Variants in CADM1 observed in about 807,000 individuals in gnomAD.
CADM1 encodes the protein cell adhesion molecule 1, also known as TSLC-1.
CADM1 carries 15 observed loss-of-function variants against 53.1 expected under a neutral mutation model. That is an observed-to-expected ratio of 0.28 (90% CI 0.19 to 0.44). The LOEUF (loss-of-function observed/expected upper bound fraction) is 0.44, where lower values mean the gene tolerates loss of function less well. Among genes scored for constraint, CADM1 ranks in the 20% least tolerant of loss-of-function variants. The probability of loss-of-function intolerance (pLI) is 1.00; values close to 1 mark genes in which losing one functional copy is unlikely to be tolerated. For missense variants in CADM1, 434 were observed against 611.3 expected, an observed-to-expected ratio of 0.71 and a Z score of 3.06; for synonymous variants, 281 against 243.0, an observed-to-expected ratio of 1.16 and a Z score of -1.45.
intron 1 of CADM1, among the ~76,000 whole-genome samples, chr11:115,368,231 T>C (rs1374185460): frequency 6.6e-6 from 1 of 151,148 alleles, no homozygotes; most frequent in African/African-American, 2.4e-5. Context: ...CAAGTACCAA[T>C]TTGCTAAATA....
In CADM1 at chr11:115,492,404, G is replaced by A. The variant is rs753677151; in HGVS notation, c.124+11867C>T. 2.2e-4 allele frequency among the ~76,000 whole-genome samples: 34 copies of A among 152,294 alleles called. 1 individual carries two copies. The highest frequency in any genetic ancestry group is 1.2e-3 in the Admixed American group (18 of 15,300). On this transcript the variant is annotated intron_variant, in intron 1 of 11. Transcript: ENST00000331581. ...ATGGACAGTTTTGATTTTGAGCCACGTTAATGAGTTATATGTTCAAATTAT... is the reference window on the plus strand; with the variant it reads ...ATGGACAGTTTTGATTTTGAGCCACATTAATGAGTTATATGTTCAAATTAT...
chr11:115,413,644 C>CTTTTTTTTTTTTTTTTT (rs71066424), intron 1 of CADM1, among the ~76,000 whole-genome samples: 1,418 of 120,724 alleles, frequency 0.012, 165 homozygotes, highest in Non-Finnish European at 0.018. Flanking sequence ...CAGCTCAGTT[C>CTTTTTTTTTTTTTTTTT]TTTTTTTTTT....
chr11:115,256,992 G>A lies in CADM1; in HGVS notation c.125-16572C>T, dbSNP rs73574156. 1,189 of 423,150 alleles carry A rather than the reference G, an allele frequency of 2.8e-3. 8 individuals are homozygous for A. Among genetic ancestry groups the A allele is most frequent in the African/African-American group, 0.018 (910 of 49,484 alleles). The allele number at this position is 423,150 out of a possible 1,614,324, so 26.2% of individuals were successfully genotyped here. On this transcript the variant is annotated intron_variant, in intron 1 of 11. Transcript: ENST00000331581. ...CAGTCATGCTTGTCACATTTAGAGT[G>A]TGAATTACGTACTTCCTGGAAACCC...
intron 1 of CADM1, among the ~76,000 whole-genome samples, chr11:115,502,968 G>A (rs912151596): frequency 2.6e-5 from 4 of 152,156 alleles, no homozygotes; most frequent in Admixed American, 6.5e-5. Flanking sequence ...TGTTGCTCCC[G>A]GGTCCTGCAG....
At chr11:115,195,235 G>T (rs1410982028) in intron 9 of CADM1, among the ~76,000 whole-genome samples, 1 of 152,122 alleles carries the variant, frequency 6.6e-6, no homozygotes. Flanking sequence ...ACTTGATTTT[G>T]AATCATGCCC....
At chr11:115,381,692 C>A (rs745308655) in intron 1 of CADM1, among the ~76,000 whole-genome samples, 5 of 152,120 alleles carry the variant, frequency 3.3e-5, no homozygotes, top group Non-Finnish European at 5.9e-5. Context: ...ACCTGACACA[C>A]GAAGTACATT....
chr11:115,261,010 AC>A (rs1470661224), intron 1 of CADM1, among the ~76,000 whole-genome samples: 3 of 151,930 alleles, frequency 2.0e-5, no homozygotes, highest in South Asian at 4.2e-4. Context: ...TTTGGTAGGT[AC>A]CTTTTTGGGA....
chr11:115,386,949 C>G (rs1174838450), intron 1 of CADM1, among the ~76,000 whole-genome samples: 1 of 152,122 alleles, frequency 6.6e-6, no homozygotes, highest in Non-Finnish European at 1.5e-5. Flanking sequence ...AAGCTAGCAT[C>G]AAGAAGTAAA....
At chr11:115,211,080 T>TA (rs1414029712) in intron 7 of CADM1, among the ~76,000 whole-genome samples, 1 of 152,222 alleles carries the variant, frequency 6.6e-6, no homozygotes, top group Non-Finnish European at 1.5e-5. Flanking sequence ...TAAAAATGGT[T>TA]AAGTTAGTGA....
chr11:115,373,674 G>A (rs1946369806), intron 1 of CADM1, among the ~76,000 whole-genome samples: 1 of 151,378 alleles, frequency 6.6e-6, no homozygotes, highest in African/African-American at 2.4e-5. Flanking sequence ...AGAAGAAAAT[G>A]GGAGGTTCCA....
At chr11:115,299,597 A>G (rs1944166965) in intron 1 of CADM1, among the ~76,000 whole-genome samples, 1 of 152,174 alleles carries the variant, frequency 6.6e-6, no homozygotes, top group South Asian at 2.1e-4. Context: ...AGTATATAGA[A>G]TCTCAAAGTT....
chr11:115,234,835 G>A (rs528789827), intron 3 of CADM1, among the ~76,000 whole-genome samples: 134 of 131,730 alleles, frequency 1.0e-3, no homozygotes, highest in Admixed American at 2.6e-3. Flanking sequence ...GGAGGTTGAA[G>A]TGAGTCAAGA....
At chr11:115,495,790 A>G (rs942250531) in intron 1 of CADM1, among the ~76,000 whole-genome samples, 2 of 151,886 alleles carry the variant, frequency 1.3e-5, no homozygotes, top group African/African-American at 4.8e-5. Flanking sequence ...ATTTTTTAGG[A>G]TTTATTTTAT....
At chr11:115,462,941 G>C (rs2135376878) in intron 1 of CADM1, among the ~76,000 whole-genome samples, 1 of 152,310 alleles carries the variant, frequency 6.6e-6, no homozygotes, top group African/African-American at 2.4e-5. Flanking sequence ...GGATGAAGTA[G>C]TAGGTGCCCA....
intron 1 of CADM1, among the ~76,000 whole-genome samples, chr11:115,358,809 T>C (rs558086260): frequency 1.6e-4 from 24 of 152,338 alleles, no homozygotes; most frequent in African/African-American, 5.8e-4. Flanking sequence ...CTGTGAACTC[T>C]AAGGAGTATA....
At chr11:115,349,893 CAA>C (rs1219811218) in intron 1 of CADM1, among the ~76,000 whole-genome samples, 3 of 152,084 alleles carry the variant, frequency 2.0e-5, no homozygotes, top group African/African-American at 7.2e-5. Flanking sequence ...ATAAAAAGGC[CAA>C]AGTCATGGCT....
chr11:115,246,633 T>A (rs551492080), intron 1 of CADM1, among the ~76,000 whole-genome samples: 1 of 152,336 alleles, frequency 6.6e-6, no homozygotes, highest in South Asian at 2.1e-4. Flanking sequence ...CCTGACCAAG[T>A]CATCAAGATA....
Position 115,229,218 on chromosome 11 carries a change from T to G in CADM1, c.616A>C (p.Met206Leu). 3 of 1,614,080 alleles carry G rather than the reference T, an allele frequency of 1.9e-6. No homozygotes were observed. The highest frequency in any genetic ancestry group is 2.5e-6 in the Non-Finnish European group (3 of 1,179,944). The stretch of plus-strand genomic sequence containing the variant: ...TCGTCCTCCTTGTGCACCTTCAGCA[T>G]CAGCTGACTGGTCACAGTGTACATG... Reference protein sequence around the residue: ...SDMYTVTSQLMLKVHKEDDGV... With the variant: ...SDMYTVTSQLLLKVHKEDDGV... The change falls in exon 5 of 12, where the codon ATG (methionine) becomes CTG (leucine). Residue 206 changes from methionine to leucine, a missense_variant. Physicochemically the swap from Met to Leu is conservative, Grantham distance 15 (BLOSUM62 2). Transcript: ENST00000331581.
chr11:115,372,066 C>A (rs1426640075), intron 1 of CADM1, among the ~76,000 whole-genome samples: 1 of 152,064 alleles, frequency 6.6e-6, no homozygotes, highest in Non-Finnish European at 1.5e-5. Flanking sequence ...ACTTTTATAT[C>A]TTTTACAAAA....
Sources: allele counts gnomAD v4.1 joint callset (sites outside exome capture counted in the v4.1 genomes callset), GRCh38; gene constraint gnomAD v4.1.1; transcripts MANE v1.5; gene names NCBI Gene and HGNC (gene_info 2026-07-23, HGNC 2026-07-21).